TMEM131L: variants seen among roughly 807,000 people sequenced by gnomAD.
The protein encoded by TMEM131L is transmembrane protein 131-like.
TMEM131L carries 54 observed loss-of-function variants against 192.2 expected under a neutral mutation model. The ratio of observed to expected loss-of-function variants is 0.28; its 90% confidence interval spans 0.23 to 0.35. TMEM131L has a LOEUF of 0.35. TMEM131L is among the 10% of genes least tolerant of loss of function. The probability of loss-of-function intolerance (pLI) is 1.00; values close to 1 mark genes in which losing one functional copy is unlikely to be tolerated. For synonymous variants in TMEM131L, 701 were observed against 704.9 expected (o/e 0.99, Z 0.09); for missense variants, 1,888 against 1,972.9 (o/e 0.96, Z 0.82).
intron 7 of TMEM131L, among the ~76,000 whole-genome samples, chr4:153,570,230 A>G (rs1415183035): frequency 1.3e-5 from 2 of 152,130 alleles, no homozygotes; most frequent in African/African-American, 4.8e-5. Flanking sequence ...CTTCACATCC[A>G]AAAAAATTGG....
At chr4:153,576,807 A>C (rs1561206957) in intron 7 of TMEM131L, among the ~76,000 whole-genome samples, 1 of 151,976 alleles carries the variant, frequency 6.6e-6, no homozygotes, top group Non-Finnish European at 1.5e-5. Context: ...TTTTGTAGGC[A>C]CCGTTTACTA....
At chr4:153,550,649 C>T (rs775791096) in intron 4 of TMEM131L, among the ~76,000 whole-genome samples, 1 of 149,138 alleles carries the variant, frequency 6.7e-6, no homozygotes, top group Non-Finnish European at 1.5e-5. Flanking sequence ...AATAAGTATA[C>T]CTTTTAATAT....
intron 3 of TMEM131L, among the ~76,000 whole-genome samples, chr4:153,503,195 A>G (rs1188690894): frequency 1.3e-5 from 2 of 152,222 alleles, no homozygotes; most frequent in Non-Finnish European, 2.9e-5. Context: ...GCAAATGCAC[A>G]TGTGATGTTT....
At chr4:153,552,622 A>G (rs902155503) in intron 4 of TMEM131L, among the ~76,000 whole-genome samples, 12 of 151,998 alleles carry the variant, frequency 7.9e-5, no homozygotes, top group African/African-American at 2.2e-4. Flanking sequence ...CTTGAGGCCA[A>G]GAGTTCAAGA....
intron 30 of TMEM131L, among the ~76,000 whole-genome samples, chr4:153,626,465 A>G (rs4696470): frequency 0.31 from 46,483 of 152,042 alleles, 8,976 homozygotes; most frequent in Non-Finnish European, 0.44. Context: ...GAAAATACCT[A>G]AGTTTTGAGG....
At chr4:153,468,097 C>T (rs186176542) in intron 2 of TMEM131L, among the ~76,000 whole-genome samples, 3 of 152,130 alleles carry the variant, frequency 2.0e-5, no homozygotes, top group Non-Finnish European at 2.9e-5. Context: ...TTACTTCCCA[C>T]GGTGGTGGCA....
chr4:153,529,338 A>T (rs1414103791), intron 3 of TMEM131L, among the ~76,000 whole-genome samples: 2 of 152,228 alleles, frequency 1.3e-5, no homozygotes, highest in African/African-American at 4.8e-5. Context: ...AAGAAATGAA[A>T]GTAAAATTTC....
chr4:153,489,796 G>A (rs1420352804), intron 3 of TMEM131L, among the ~76,000 whole-genome samples: 6 of 151,520 alleles, frequency 4.0e-5, no homozygotes, highest in Admixed American at 1.3e-4. Context: ...TTTTTCTTGC[G>A]GAAAATAAGT....
At chr4:153,633,975 G>A (rs1011390243) in intron 32 of TMEM131L, among the ~76,000 whole-genome samples, 1 of 152,192 alleles carries the variant, frequency 6.6e-6, no homozygotes, top group Non-Finnish European at 1.5e-5. Context: ...AAACAAGTGT[G>A]CTCCTAGTCC....
intron 3 of TMEM131L, among the ~76,000 whole-genome samples, chr4:153,523,564 G>C (rs1420596751): frequency 6.6e-6 from 1 of 152,192 alleles, no homozygotes; most frequent in African/African-American, 2.4e-5. Context: ...GAAGAATTGA[G>C]GCTTTAGAAA....
chr4:153,625,634 A>T (rs1733788751), intron 29 of TMEM131L, among the ~76,000 whole-genome samples: 1 of 152,158 alleles, frequency 6.6e-6, no homozygotes, highest in Non-Finnish European at 1.5e-5. Context: ...TTATACATAT[A>T]CACACACATA....
At chr4:153,594,734 CTCCTT>C (rs1328744997) in intron 19 of TMEM131L, among the ~76,000 whole-genome samples, 2 of 152,186 alleles carry the variant, frequency 1.3e-5, no homozygotes, top group African/African-American at 4.8e-5. Context: ...ACCACAGACT[CTCCTT>C]TCTTTTCTTA....
intron 7 of TMEM131L, among the ~76,000 whole-genome samples, chr4:153,571,080 G>T (rs529773270): frequency 6.6e-6 from 1 of 151,358 alleles, no homozygotes; most frequent in Non-Finnish European, 1.5e-5. Flanking sequence ...TCTTTCTCTA[G>T]ATTTTTTTCG....
chr4:153,502,622 G>C (rs1191886767), intron 3 of TMEM131L, among the ~76,000 whole-genome samples: 1 of 152,204 alleles, frequency 6.6e-6, no homozygotes, highest in African/African-American at 2.4e-5. Context: ...AAAAAGTTCA[G>C]TTTAACATTA....
At chr4:153,592,439 C>T (rs377339857) in intron 17 of TMEM131L, 36 bp from the exon 18 acceptor site, 2 of 1,421,702 alleles carry the variant, frequency 1.4e-6, no homozygotes, top group African/African-American at 2.8e-5. Context: ...TGCTGTGTCC[C>T]TCTCGGGGTT....
chr4:153,557,647 A>T (rs1447667080), intron 6 of TMEM131L, among the ~76,000 whole-genome samples: 4 of 152,188 alleles, frequency 2.6e-5, no homozygotes, highest in Non-Finnish European at 4.4e-5. Flanking sequence ...ATCTGGCATC[A>T]AGTAATTTAA....
intron 31 of TMEM131L, among the ~76,000 whole-genome samples, chr4:153,631,806 C>T (rs1321625903): frequency 6.6e-6 from 1 of 152,218 alleles, no homozygotes; most frequent in Admixed American, 6.5e-5. Flanking sequence ...TCTATAGCCT[C>T]ATCCCCTACT....
chr4:153,481,402 T>A (rs1037090263), intron 3 of TMEM131L, among the ~76,000 whole-genome samples: 1 of 152,234 alleles, frequency 6.6e-6, no homozygotes, highest in South Asian at 2.1e-4. Flanking sequence ...GAATGCAAGC[T>A]CATGCTTTTA....
At chr4:153,618,042 G>C (rs1367215577) in intron 26 of TMEM131L, among the ~76,000 whole-genome samples, 1 of 152,082 alleles carries the variant, frequency 6.6e-6, no homozygotes, top group Non-Finnish European at 1.5e-5. Flanking sequence ...AGCAAACTTA[G>C]TTATTGCTTA....
Sources: gnomAD v4.1 joint callset for allele counts (sites outside exome capture counted in the v4.1 genomes callset) on GRCh38, gnomAD v4.1.1 for gene constraint, MANE v1.5 for transcripts, NCBI Gene and HGNC (gene_info 2026-07-23, HGNC 2026-07-21) for gene names.